The following CELSR2 variants were observed in gnomAD, a reference collection of about 807,000 sequenced individuals.
The protein encoded by CELSR2 is EGF-like protein 2.
A neutral mutation model predicts 251.6 loss-of-function variants in CELSR2; 81 were observed. That is an observed-to-expected ratio of 0.32 (90% CI 0.27 to 0.39). The LOEUF is 0.39. Ranked by LOEUF, CELSR2 falls within the 10% of genes least tolerant of loss-of-function variation. The pLI is 1.00. For synonymous variants in CELSR2, 1,721 were observed against 1,670.5 expected (o/e 1.03, Z -0.74); for missense variants, 3,365 against 3,947.7 (o/e 0.85, Z 3.96).
chr1:109,251,559 C>G lies in CELSR2; in HGVS notation c.1480C>G (p.Gln494Glu), dbSNP rs776401403. The part of the protein sequence containing the change: ...LSNVSGLVTV[Q>E]VLDINDNAPI... ...TAATGTCTCTGGCTTGGTGACAGTACAGGTCCTGGATATCAACGACAATGC... is the reference window on the plus strand; with the variant it reads ...TAATGTCTCTGGCTTGGTGACAGTAGAGGTCCTGGATATCAACGACAATGC... The change falls in exon 1 of 34, where the codon CAG becomes GAG. Residue 494 changes from glutamine (Q) to glutamate (E), a missense_variant. By Grantham distance (29) the Gln-to-Glu change is conservative (BLOSUM62 2). This residue lies in a region of CELSR2 where 704 missense variants were observed against 784.1 expected (regional missense o/e 0.90). Coordinates refer to ENST00000271332, the MANE Select transcript of CELSR2 (RefSeq NM_001408.3). The surrounding 1 kb of genome is among the most constrained non-coding windows in gnomAD (Gnocchi z 4.9). The G allele has an allele frequency of 8.1e-6, 13 of 1,613,628 alleles. No individual in the cohort carries two copies. Among genetic ancestry groups the G allele is most frequent in the African/African-American group, 2.7e-5 (2 of 74,924 alleles).
chr1:109,263,496 G>T, intron 8 of CELSR2, 115 bp from the exon 9 acceptor site: 1 of 1,461,880 alleles, frequency 6.8e-7, no homozygotes, highest in East Asian at 2.3e-5. Context: ...TTGGAGGGCG[G>T]GGCTGATGAG....
chr1:109,271,101 T>C, intron 25 of CELSR2, 62 bp downstream of exon 25: 1 of 1,524,120 alleles, frequency 6.6e-7, no homozygotes, highest in Non-Finnish European at 9.1e-7. Flanking sequence ...CTCCTGCTGC[T>C]GGGGCCGCGT....
chr1:109,268,439 G>A, intron 17 of CELSR2, 142 bp from the exon 18 acceptor site: 1 of 1,140,408 alleles, frequency 8.8e-7, no homozygotes, highest in Non-Finnish European at 1.2e-6. Flanking sequence ...CGGTCCAGGA[G>A]CATTTCAGGG....
In CELSR2 at chr1:109,265,858, G is replaced by C. The variant is rs201451226; in HGVS notation, c.5851G>C (p.Gly1951Arg). 1.2e-5 allele frequency: 20 copies of C among 1,614,036 alleles called. No homozygotes were observed. Among genetic ancestry groups the C allele is most frequent in the Non-Finnish European group, 1.6e-5 (19 of 1,180,000 alleles). ...GQCPCKPGVIGRQCDRCDNPF... is the reference protein window; with the variant it reads ...GQCPCKPGVIRRQCDRCDNPF... ...GTGTCCATGCAAGCCAGGTGTCATCGGGCGTCAGTGTGACCGCTGTGACAA... is the reference window on the plus strand; with the variant it reads ...GTGTCCATGCAAGCCAGGTGTCATCCGGCGTCAGTGTGACCGCTGTGACAA... The change falls in exon 14 of 34, where the codon GGG (glycine) becomes CGG (arginine). Residue 1951 changes from glycine (G) to arginine (R), a missense_variant. Coordinates refer to ENST00000271332, the MANE Select transcript of CELSR2 (RefSeq NM_001408.3).
In CELSR2 at chr1:109,251,919, GA is replaced by G; in HGVS notation, c.1841del (p.Glu614GlyfsTer17). 6.2e-7 allele frequency: 1 copy of G among 1,614,124 alleles called. No individual in the cohort carries two copies. The highest frequency in any genetic ancestry group is 8.5e-7 in the Non-Finnish European group (1 of 1,180,028). On this transcript the variant is annotated frameshift_variant, in exon 1 of 34. Transcript: ENST00000271332. LOFTEE classifies it high-confidence loss of function. This position sits in a 1 kb window ranked among gnomAD's most constrained non-coding sequence, Gnocchi z 4.9. ...CAACAATCCAACCTTTACCCAACCA[GA>G]GTACACAGTGCGGCTCAATGAGGAT... The part of the protein sequence containing the change: ...NDNNPTFTQP[E>X]YTVRLNEDAA...
chr1:109,270,489 C>T lies in CELSR2; in HGVS notation c.7372C>T (p.Leu2458=). 1 of 1,614,230 alleles carries T rather than the reference C, an allele frequency of 6.2e-7. No individual in the cohort carries two copies. Among genetic ancestry groups the T allele is most frequent in the Non-Finnish European group, 8.5e-7 (1 of 1,180,042 alleles). ...FLYLCTFSWA[L]LEALHLYRAL... ...GTACCTCTGCACCTTTTCCTGGGCTCTGCTGGAGGCCTTGCACCTGTACCG... is the reference window on the plus strand; with the variant it reads ...GTACCTCTGCACCTTTTCCTGGGCTTTGCTGGAGGCCTTGCACCTGTACCG... Residue 2458 remains leucine (L), a synonymous_variant, in exon 24 of 34, where the codon CTG becomes TTG. Transcript: ENST00000271332.
intron 33 of CELSR2, 35 bp downstream of exon 33, chr1:109,273,705 C>A (rs1015796735): frequency 7.1e-7 from 1 of 1,402,406 alleles, no homozygotes; most frequent in Non-Finnish European, 9.5e-7. Flanking sequence ...CGGGGTGCAG[C>A]CCCTCGGAGG....
intron 8 of CELSR2, 106 bp downstream of exon 8, chr1:109,263,373 G>A (rs1305147758): frequency 6.8e-7 from 1 of 1,466,738 alleles, no homozygotes; most frequent in African/African-American, 1.4e-5. Flanking sequence ...GCGGGGCTGT[G>A]GGTGGAAAAG....
At position 109,272,706 on chromosome 1, in the gene CELSR2, G is replaced by A; in HGVS notation, c.8121G>A (p.Leu2707=). 1.2e-6 allele frequency: 2 copies of A among 1,613,934 alleles called. No homozygotes were observed. The highest frequency in any genetic ancestry group is 8.5e-7 in the Non-Finnish European group (1 of 1,179,974). Reference sequence around the variant, plus strand: ...TGGGGGATCCAGGCAGCCTGTTCCTGGAAGGTCAAGACCAGCAGCATGGTG... The same window carrying A: ...TGGGGGATCCAGGCAGCCTGTTCCTAGAAGGTCAAGACCAGCAGCATGGTG... ...PGLGDPGSLF[L]EGQDQQHDPD... The change falls in exon 30 of 34, where the codon CTG becomes CTA. Residue 2707 remains leucine (L), a synonymous_variant. Transcript: ENST00000271332.
Position 109,261,677 on chromosome 1 carries a change from T to C in CELSR2, c.4297+49T>C. 6.3e-7 allele frequency: 1 copy of C among 1,579,018 alleles called. No individual in the cohort carries two copies. Among genetic ancestry groups the C allele is most frequent in the Non-Finnish European group, 8.7e-7 (1 of 1,148,588 alleles). On this transcript the variant is annotated intron_variant, in intron 4 of 33. Transcript: ENST00000271332. The surrounding 1 kb of genome is among the most constrained non-coding windows in gnomAD (Gnocchi z 4.8). ...TTGCCCATCTTCCAAAGGCCCCAAGTCTTCCAGCCCCTGACCCCAAGCCAC... is the reference window on the plus strand; with the variant it reads ...TTGCCCATCTTCCAAAGGCCCCAAGCCTTCCAGCCCCTGACCCCAAGCCAC...
chr1:109,269,049 G>A lies in CELSR2; in HGVS notation c.6631+41G>A, dbSNP rs769525833. The A allele has an allele frequency of 5.0e-6, 8 of 1,600,738 alleles. No homozygotes were observed. On this transcript the variant is annotated intron_variant, in intron 19 of 33. Transcript: ENST00000271332. This position sits in a 1 kb window ranked among gnomAD's most constrained non-coding sequence, Gnocchi z 6.4. Reference sequence around the variant, plus strand: ...GGATTGAGTTGGGAGCTGGACCCCAGTGTCTGTGCAGACTCCACAGAGAGC... The same window carrying A: ...GGATTGAGTTGGGAGCTGGACCCCAATGTCTGTGCAGACTCCACAGAGAGC...
chr1:109,267,647 G>A lies in CELSR2; in HGVS notation c.6108+5G>A. 1 of 1,614,094 alleles carries A rather than the reference G, an allele frequency of 6.2e-7. No individual in the cohort carries two copies. Among genetic ancestry groups the A allele is most frequent in the Non-Finnish European group, 8.5e-7 (1 of 1,179,974 alleles). The stretch of plus-strand genomic sequence containing the variant: ...TTCTCAGAACTGAAGGGCTTCGTAA[G>A]TGAACCCCCTCATCTCCATCTTTTC... On this transcript the variant is annotated splice_donor_5th_base_variant and intron_variant, in intron 16 of 33. Transcript: ENST00000271332.
intron 24 of CELSR2, 56 bp downstream of exon 24, chr1:109,270,656 C>T (rs1656346555): frequency 6.3e-7 from 1 of 1,579,792 alleles, no homozygotes; most frequent in Admixed American, 1.8e-5. Context: ...CACCTTTGTG[C>T]CATGTTCTCT....
chr1:109,260,178 G>T (rs1280777995), intron 2 of CELSR2, among the ~76,000 whole-genome samples: 53 of 117,260 alleles, frequency 4.5e-4, no homozygotes, highest in African/African-American at 1.7e-3. Context: ...GGTGGGGGGG[G>T]TTGGGAGGGG....
Position 109,265,454 on chromosome 1 carries a change from C to T in CELSR2, c.5727+143C>T, listed in dbSNP as rs143621021. On this transcript the variant is annotated intron_variant, in intron 13 of 33. Coordinates refer to ENST00000271332, the MANE Select transcript of CELSR2 (RefSeq NM_001408.3). ...TTGCTCTCACAGGCAGGGCAGTTGG[C>T]TGCTTACCTTCGTGTGTCTGAGGCG... 227 of 1,021,522 alleles carry T rather than the reference C, an allele frequency of 2.2e-4. 1 individual carries two copies. The East Asian group carries it at 4.7e-3, about 21-fold the overall frequency. The allele number at this position is 1,021,522 out of a possible 1,614,324, so 63.3% of individuals were successfully genotyped here. A position where few individuals can be genotyped will look rare whatever the true frequency, so the allele number is the denominator to read the frequency against.
Position 109,270,504 on chromosome 1 carries a change from C to T in CELSR2, c.7387C>T (p.His2463Tyr). The change falls in exon 24 of 34, where the codon CAC (histidine) becomes TAC (tyrosine). Residue 2463 changes from histidine (H) to tyrosine (Y), a missense_variant. His to Tyr is a moderately conservative substitution (Grantham distance 83). This residue lies in a region of CELSR2 where 2,093 missense variants were observed against 2,382.8 expected (regional missense o/e 0.88). Coordinates refer to ENST00000271332, the MANE Select transcript of CELSR2 (RefSeq NM_001408.3). ...TFSWALLEALHLYRALTEVRD... is the reference protein window; with the variant it reads ...TFSWALLEALYLYRALTEVRD... Reference sequence around the variant, plus strand: ...TTCCTGGGCTCTGCTGGAGGCCTTGCACCTGTACCGGGCACTCACTGAGGT... The same window carrying T: ...TTCCTGGGCTCTGCTGGAGGCCTTGTACCTGTACCGGGCACTCACTGAGGT... 6.2e-7 allele frequency: 1 copy of T among 1,614,240 alleles called. No homozygotes were observed. The highest frequency in any genetic ancestry group is 8.5e-7 in the Non-Finnish European group (1 of 1,180,046).
chr1:109,265,432 C>A, intron 13 of CELSR2, 121 bp downstream of exon 13: 2 of 1,172,152 alleles, frequency 1.7e-6, no homozygotes, highest in Non-Finnish European at 2.4e-6. Flanking sequence ...TGTGCCTTTG[C>A]TCTCACAGGC....
chr1:109,269,458 G>A lies in CELSR2; in HGVS notation c.6847G>A (p.Val2283Met), dbSNP rs1479892508. ...ACGCCCGATCATCAACACACCCGTG[G>A]TGAGCATCAGCGTCCATGATGATGA... ...PKRPIINTPVVSISVHDDEEL... is the reference protein window; with the variant it reads ...PKRPIINTPVMSISVHDDEEL... Residue 2283 changes from valine (V) to methionine (M), a missense_variant, in exon 21 of 34, where the codon GTG (valine) becomes ATG (methionine). Coordinates refer to ENST00000271332, the MANE Select transcript of CELSR2 (RefSeq NM_001408.3). The surrounding 1 kb of genome is among the most constrained non-coding windows in gnomAD (Gnocchi z 6.4). 2 of 1,614,086 alleles carry A rather than the reference G, an allele frequency of 1.2e-6. No homozygotes were observed. Among genetic ancestry groups the A allele is most frequent in the African/African-American group, 2.7e-5 (2 of 75,058 alleles).
In CELSR2 at chr1:109,268,876, T is replaced by A; in HGVS notation, c.6503-4T>A. 6.2e-7 allele frequency: 1 copy of A among 1,600,644 alleles called. No homozygotes were observed. The highest frequency in any genetic ancestry group is 1.7e-4 in the Middle Eastern group (1 of 6,014). Reference sequence around the variant, plus strand: ...GTCCGATCTGTGACCATCCCCTTCCTTAGTCATCTCCGTAGTGCGCTTGGA... The same window carrying A: ...GTCCGATCTGTGACCATCCCCTTCCATAGTCATCTCCGTAGTGCGCTTGGA... On this transcript the variant is annotated splice_region_variant and splice_polypyrimidine_tract_variant and intron_variant, in intron 18 of 33. Coordinates refer to ENST00000271332, the MANE Select transcript of CELSR2 (RefSeq NM_001408.3).
Sources: allele counts gnomAD v4.1 joint callset (sites outside exome capture counted in the v4.1 genomes callset), GRCh38; gene constraint gnomAD v4.1.1; regional missense constraint gnomAD v4.1.1; non-coding constraint Gnocchi (gnomAD v3.1); transcripts MANE v1.5; gene names NCBI Gene and HGNC (gene_info 2026-07-23, HGNC 2026-07-21).